ENAH: variants seen among roughly 807,000 people sequenced by gnomAD.
The protein encoded by ENAH is ENAH actin regulator.
In ENAH, 23 loss-of-function variants were observed where a neutral mutation model predicts 78.7. The ratio of observed to expected loss-of-function variants is 0.29; its 90% CI spans 0.21 to 0.41. The LOEUF is 0.41. Among genes scored for constraint, ENAH ranks in the 10% least tolerant of loss-of-function variants. ENAH has a pLI of 1.00. For synonymous variants in ENAH, 226 were observed against 241.0 expected (o/e 0.94, Z 0.58); for missense variants, 544 against 691.0 (o/e 0.79, Z 2.39).
chr1:225,599,703 G>A (rs536677124), intron 1 of ENAH, among the ~76,000 whole-genome samples: 1 of 151,004 alleles, frequency 6.6e-6, no homozygotes, highest in Non-Finnish European at 1.5e-5. Flanking sequence ...GACTGAGGCA[G>A]GAGAATCACT....
chr1:225,548,624 T>C (rs2096626763), intron 3 of ENAH, among the ~76,000 whole-genome samples: 1 of 152,210 alleles, frequency 6.6e-6, no homozygotes, highest in Non-Finnish European at 1.5e-5. Context: ...CCTCCCTTTC[T>C]AGGTATGGAC....
upstream of ENAH, among the ~76,000 whole-genome samples, chr1:225,653,394 T>C (rs1365980079): frequency 1.3e-5 from 2 of 150,612 alleles, no homozygotes; most frequent in African/African-American, 4.9e-5. This position sits in a 1 kb window ranked among gnomAD's most constrained non-coding sequence, Gnocchi z 4.3. Flanking sequence ...TGCACCCCTC[T>C]GGGATTCGGG....
intron 1 of ENAH, chr1:225,652,394 G>A (rs1025922271): frequency 5.1e-6 from 5 of 985,440 alleles, no homozygotes; most frequent in Non-Finnish European, 6.0e-6. Context: ...AAGGCTTGGG[G>A]GAGGGAGCCA....
intron 1 of ENAH, among the ~76,000 whole-genome samples, chr1:225,585,578 G>A (rs1015133595): frequency 5.9e-5 from 9 of 151,958 alleles, no homozygotes; most frequent in African/African-American, 1.4e-4. Flanking sequence ...ACCTGAGGTC[G>A]GGAGTTCGAG....
intron 3 of ENAH, among the ~76,000 whole-genome samples, chr1:225,545,910 CTTTTTTTTTTT>C: frequency 9.1e-6 from 1 of 109,418 alleles, no homozygotes; most frequent in South Asian, 3.2e-4. Context: ...CATCTGTAAA[CTTTTTTTTTTT>C]TTTTTTTTTT....
In ENAH at chr1:225,495,455, GGT is replaced by G. The variant is rs1491533445; in HGVS notation, c.*2318_*2319del. 2 of 63,524 alleles carry G rather than the reference GGT, an allele frequency of 3.1e-5. No homozygotes were observed. Among genetic ancestry groups the G allele is most frequent in the South Asian group, 3.6e-4 (1 of 2,748 alleles). The allele number at this position is 63,524 out of a possible 1,614,324, so 3.9% of individuals were successfully genotyped here. On this transcript the variant is annotated 3_prime_UTR_variant, in exon 14 of 14. Coordinates refer to ENST00000366843, the MANE Select transcript of ENAH (RefSeq NM_018212.6). ...GGGAAATATAGCATGATTCAACACT[GGT>G]TTTTTTTTTTTTTTTTTTTTGTCAG...
Position 225,519,534 on chromosome 1 carries a change from G to T in ENAH, c.466C>A (p.Leu156Met), listed in dbSNP as rs201023360. 3.4e-5 allele frequency: 54 copies of T among 1,609,176 alleles called. No individual in the cohort carries two copies. The Middle Eastern group carries it at 5.0e-4, about 15-fold the overall frequency. The part of the protein sequence containing the change: ...QLQEQQRQKE[L>M]ERERLERERM... ...TCTCGCTCCAGCCTTTCCCGCTCCAGCTCCTTTTGCCGTTGCTGTTCTTGT... is the reference window on the plus strand; with the variant it reads ...TCTCGCTCCAGCCTTTCCCGCTCCATCTCCTTTTGCCGTTGCTGTTCTTGT... The change falls in exon 5 of 14, where the codon CTG (leucine) becomes ATG (methionine). Residue 156 changes from leucine to methionine, a missense_variant. Physicochemically the swap from Leu to Met is conservative, Grantham distance 15. Around this residue, in one of 4 missense-constraint regions of ENAH, gnomAD observed 366 missense variants for 396.1 expected, o/e 0.92. Coordinates refer to ENST00000366843, the MANE Select transcript of ENAH (RefSeq NM_018212.6).
chr1:225,564,194 A>G (rs909791385), intron 2 of ENAH, among the ~76,000 whole-genome samples: 5 of 151,912 alleles, frequency 3.3e-5, no homozygotes, highest in Admixed American at 1.3e-4. Flanking sequence ...CACTTACTAC[A>G]GTCTCCACCT....
At chr1:225,597,563 A>G (rs546449885) in intron 1 of ENAH, among the ~76,000 whole-genome samples, 12 of 150,806 alleles carry the variant, frequency 8.0e-5, no homozygotes, top group South Asian at 2.1e-4. Context: ...AGCCCGAGAC[A>G]GGAGGATCAC....
At chr1:225,564,583 C>G (rs1480304073) in intron 2 of ENAH, among the ~76,000 whole-genome samples, 1 of 151,810 alleles carries the variant, frequency 6.6e-6, no homozygotes, top group African/African-American at 2.4e-5. Flanking sequence ...ACAAGCACCA[C>G]CACGCCTGGC....
chr1:225,619,034 A>G (rs1032345758), intron 1 of ENAH, among the ~76,000 whole-genome samples: 2 of 152,158 alleles, frequency 1.3e-5, no homozygotes, highest in Non-Finnish European at 2.9e-5. Context: ...CTCCCAAATC[A>G]GCATTACTCA....
chr1:225,507,925 T>A, intron 11 of ENAH, 26 bp downstream of exon 11: 1 of 1,490,314 alleles, frequency 6.7e-7, no homozygotes, highest in Non-Finnish European at 9.0e-7. Context: ...AAATAAAATA[T>A]AAAACTTAGA....
chr1:225,553,905 C>T (rs1341033967), intron 3 of ENAH, among the ~76,000 whole-genome samples: 4 of 152,194 alleles, frequency 2.6e-5, no homozygotes, highest in Non-Finnish European at 4.4e-5. Context: ...CTTTAAGTTT[C>T]TGCAAGATCC....
chr1:225,591,424 C>T (rs900562293), intron 1 of ENAH, among the ~76,000 whole-genome samples: 24 of 150,472 alleles, frequency 1.6e-4, no homozygotes, highest in Non-Finnish European at 2.9e-4. Flanking sequence ...GCCGAGACTG[C>T]GCCATTGCAC....
chr1:225,595,269 G>A (rs888175905), intron 1 of ENAH, among the ~76,000 whole-genome samples: 1 of 151,904 alleles, frequency 6.6e-6, no homozygotes, highest in African/African-American at 2.4e-5. Flanking sequence ...GGAGGCGGAG[G>A]TTGCAGTGAG....
intron 3 of ENAH, among the ~76,000 whole-genome samples, chr1:225,540,139 T>C (rs2096582375): frequency 6.6e-6 from 1 of 152,206 alleles, no homozygotes; most frequent in Non-Finnish European, 1.5e-5. Context: ...TATATTTGGG[T>C]ACAAAAGAAA....
chr1:225,652,195 A>G (rs1016704970), intron 1 of ENAH: 1 of 343,802 alleles, frequency 2.9e-6, no homozygotes, highest in African/African-American at 2.2e-5. Flanking sequence ...ACCTACCCCT[A>G]CCAGAGGCAC....
At chr1:225,568,917 T>G (rs1014173798) in intron 1 of ENAH, among the ~76,000 whole-genome samples, 1 of 152,252 alleles carries the variant, frequency 6.6e-6, no homozygotes, top group Non-Finnish European at 1.5e-5. Flanking sequence ...TGTAACAATA[T>G]TTGTGCAGCA....
At chr1:225,637,563 T>G (rs565489691) in intron 1 of ENAH, among the ~76,000 whole-genome samples, 49 of 152,248 alleles carry the variant, frequency 3.2e-4, no homozygotes, top group Non-Finnish European at 5.3e-4. Flanking sequence ...CCACACATTA[T>G]GAAGGGAAGG....
Sources: gnomAD v4.1 joint callset for allele counts (sites outside exome capture counted in the v4.1 genomes callset) on GRCh38, gnomAD v4.1.1 for gene constraint, gnomAD v4.1.1 regional missense constraint, Gnocchi (gnomAD v3.1) non-coding constraint, MANE v1.5 for transcripts, NCBI Gene and HGNC (gene_info 2026-07-23, HGNC 2026-07-21) for gene names.